Variants in NELL1 observed in about 807,000 individuals in gnomAD.
NELL1 encodes the protein protein kinase C-binding protein NELL1.
In NELL1, 76 loss-of-function variants were observed where a neutral mutation model predicts 107.4. That is an observed-to-expected ratio of 0.71 (90% confidence interval 0.59 to 0.86). The LOEUF (loss-of-function observed/expected upper bound fraction) is 0.86. Among genes scored for constraint, NELL1 ranks in the 40% least tolerant of loss-of-function variants. The pLI, the probability that NELL1 is intolerant of heterozygous loss-of-function variation, is 0.00. For missense variants in NELL1, 1,024 were observed against 1,005.5 expected (o/e 1.02, Z -0.25); for synonymous variants, 353 against 341.2 (o/e 1.03, Z -0.38).
chr11:20,765,064 A>G (rs1856501512), intron 2 of NELL1, among the ~76,000 whole-genome samples: 1 of 152,116 alleles, frequency 6.6e-6, no homozygotes, highest in Non-Finnish European at 1.5e-5. Flanking sequence ...AGGCTGAGGT[A>G]GGAGGATTGC....
At chr11:20,740,960 C>G (rs1855876194) in intron 2 of NELL1, among the ~76,000 whole-genome samples, 1 of 152,106 alleles carries the variant, frequency 6.6e-6, no homozygotes, top group Non-Finnish European at 1.5e-5. Flanking sequence ...CTGATGTTCC[C>G]TTTCTGCTTT....
chr11:21,346,350 GA>G (rs746909911), intron 14 of NELL1, among the ~76,000 whole-genome samples: 1 of 151,904 alleles, frequency 6.6e-6, no homozygotes, highest in East Asian at 1.9e-4. Flanking sequence ...ATAGCATCAA[GA>G]AAAAATTCTC....
At chr11:20,771,006 C>T (rs1266074314) in intron 2 of NELL1, 1 of 148,334 alleles carries the variant, frequency 6.7e-6, no homozygotes, top group African/African-American at 2.5e-5. Context: ...TGGAAAGACC[C>T]CTCTAGCTTC....
intron 12 of NELL1, among the ~76,000 whole-genome samples, chr11:21,096,366 G>A (rs540782580): frequency 6.6e-6 from 1 of 152,210 alleles, no homozygotes; most frequent in African/African-American, 2.4e-5. Context: ...ATTCCTTTGG[G>A]GATACAGCTC....
chr11:21,566,660 A>C (rs1160269257), intron 17 of NELL1, among the ~76,000 whole-genome samples: 2 of 151,858 alleles, frequency 1.3e-5, no homozygotes, highest in Non-Finnish European at 1.5e-5. Context: ...ATAGAGATCA[A>C]GCTCTGGAAA....
chr11:20,887,246 G>T (rs955614917), intron 5 of NELL1, among the ~76,000 whole-genome samples: 2 of 152,252 alleles, frequency 1.3e-5, no homozygotes, highest in East Asian at 1.9e-4. Context: ...TTCTTCAGTT[G>T]ATGGACATCT....
intron 2 of NELL1, among the ~76,000 whole-genome samples, chr11:20,730,652 A>G (rs1352072438): frequency 6.6e-6 from 1 of 152,106 alleles, no homozygotes; most frequent in Non-Finnish European, 1.5e-5. Flanking sequence ...GTACCCACGA[A>G]TGGTGTGTGA....
intron 13 of NELL1, among the ~76,000 whole-genome samples, chr11:21,167,570 G>A (rs1856513108): frequency 6.6e-6 from 1 of 151,864 alleles, no homozygotes. Flanking sequence ...TCCTAATCAT[G>A]AGGATCAGTC....
intron 8 of NELL1, 119 bp downstream of exon 8, chr11:20,927,561 C>A (rs1850527499): frequency 1.1e-6 from 1 of 898,256 alleles, no homozygotes; most frequent in Admixed American, 3.3e-5. Flanking sequence ...TAGGTTTTTA[C>A]CTAGCACCCA....
At chr11:21,389,097 A>G (rs549722206) in intron 15 of NELL1, among the ~76,000 whole-genome samples, 3 of 151,934 alleles carry the variant, frequency 2.0e-5, no homozygotes, top group South Asian at 2.1e-4. Context: ...CAGTCTATCA[A>G]TATATCAATA....
intron 13 of NELL1, among the ~76,000 whole-genome samples, chr11:21,199,816 G>A (rs1857229121): frequency 6.7e-6 from 1 of 148,274 alleles, no homozygotes; most frequent in African/African-American, 2.5e-5. Flanking sequence ...CCCCCAATAG[G>A]CCCTGTTGTG....
intron 2 of NELL1, among the ~76,000 whole-genome samples, chr11:20,710,159 C>T (rs1855075902): frequency 1.3e-5 from 2 of 152,148 alleles, no homozygotes; most frequent in African/African-American, 4.8e-5. Flanking sequence ...CAACTTTTCT[C>T]CCATTCAGTA....
At chr11:21,401,938 CAG>C (rs1247040576) in intron 15 of NELL1, among the ~76,000 whole-genome samples, 4 of 151,732 alleles carry the variant, frequency 2.6e-5, no homozygotes, top group East Asian at 2.0e-4. Context: ...TGTGCTTGAA[CAG>C]AGAATATTTT....
chr11:21,150,002 G>A (rs755716152), intron 13 of NELL1, among the ~76,000 whole-genome samples: 2 of 152,070 alleles, frequency 1.3e-5, no homozygotes, highest in Non-Finnish European at 2.9e-5. Context: ...TGGCTTTTGA[G>A]TTGATATCTG....
chr11:20,802,069 T>C (rs1167482154), intron 3 of NELL1, among the ~76,000 whole-genome samples: 2 of 152,208 alleles, frequency 1.3e-5, no homozygotes, highest in Admixed American at 6.5e-5. Context: ...TCTGGGTCTT[T>C]TGTAATTCCA....
chr11:20,753,849 C>A (rs1258131489), intron 2 of NELL1, among the ~76,000 whole-genome samples: 2 of 152,182 alleles, frequency 1.3e-5, no homozygotes, highest in Non-Finnish European at 2.9e-5. Flanking sequence ...AGGCTTATAT[C>A]ATATTTTCTC....
chr11:20,812,774 C>T (rs1044448048), intron 3 of NELL1, among the ~76,000 whole-genome samples: 45 of 151,480 alleles, frequency 3.0e-4, no homozygotes, highest in Non-Finnish European at 5.0e-4. Context: ...TTTGGGAGGC[C>T]GAGGCGGGCG....
At chr11:20,728,949 T>A (rs769555396) in intron 2 of NELL1, among the ~76,000 whole-genome samples, 15 of 152,218 alleles carry the variant, frequency 9.9e-5, no homozygotes, top group Non-Finnish European at 1.8e-4. Flanking sequence ...AATGGAATAC[T>A]TTTTCAAATC....
intron 15 of NELL1, among the ~76,000 whole-genome samples, chr11:21,389,903 G>A (rs1033492471): frequency 2.6e-5 from 4 of 151,738 alleles, no homozygotes; most frequent in African/African-American, 7.3e-5. Context: ...GTGACCATAT[G>A]TATGTATTTC....
Sources: allele counts gnomAD v4.1 joint callset (sites outside exome capture counted in the v4.1 genomes callset), GRCh38; gene constraint gnomAD v4.1.1; transcripts MANE v1.5; gene names NCBI Gene and HGNC (gene_info 2026-07-23, HGNC 2026-07-21).